ZFYVE9: variants seen among roughly 807,000 people sequenced by gnomAD.
The protein encoded by ZFYVE9 is zinc finger FYVE-type containing 9.
Under a neutral mutation model 126.7 loss-of-function variants are expected in ZFYVE9, and 43 were observed. The ratio of observed to expected loss-of-function variants is 0.34; its 90% CI spans 0.27 to 0.44. The LOEUF is 0.44. Among genes scored for constraint, ZFYVE9 ranks in the 20% least tolerant of loss-of-function variants. ZFYVE9 has a pLI of 1.00. For synonymous variants in ZFYVE9, 521 were observed against 597.4 expected (o/e 0.87, Z 1.87); for missense variants, 1,476 against 1,697.0 (o/e 0.87, Z 2.29).
At chr1:52,298,065 G>A (rs963544098) in intron 12 of ZFYVE9, among the ~76,000 whole-genome samples, 37 of 152,238 alleles carry the variant, frequency 2.4e-4, no homozygotes, top group Admixed American at 1.3e-3. Context: ...CTTTTCAGAT[G>A]TATGGTTTGC....
chr1:52,313,693 A>C (rs1646157964), intron 13 of ZFYVE9, among the ~76,000 whole-genome samples: 1 of 152,220 alleles, frequency 6.6e-6, no homozygotes. Context: ...GTACAGATTC[A>C]AACTGCTCTG....
At chr1:52,299,316 G>A (rs1036945937) in intron 12 of ZFYVE9, among the ~76,000 whole-genome samples, 1 of 152,036 alleles carries the variant, frequency 6.6e-6, no homozygotes, top group African/African-American at 2.4e-5. Flanking sequence ...CAGGTTTTTG[G>A]TGGCATCTTT....
chr1:52,334,812 A>C, intron 15 of ZFYVE9, 44 bp downstream of exon 15: 1 of 1,581,326 alleles, frequency 6.3e-7, no homozygotes, highest in Non-Finnish European at 8.7e-7. Flanking sequence ...GACTGAACTT[A>C]TGTACATAAA....
chr1:52,251,614 GT>G (rs1419394987), intron 4 of ZFYVE9, among the ~76,000 whole-genome samples: 2 of 151,926 alleles, frequency 1.3e-5, no homozygotes, highest in Non-Finnish European at 2.9e-5. Context: ...ATTTTCTTGA[GT>G]TTTGTATCAG....
chr1:52,340,518 G>A (rs1646425625), intron 17 of ZFYVE9, among the ~76,000 whole-genome samples: 1 of 152,166 alleles, frequency 6.6e-6, no homozygotes, highest in Non-Finnish European at 1.5e-5. Flanking sequence ...CATCTTTGCT[G>A]TATTCTTCAG....
Position 52,216,409 on chromosome 1 carries a change from G to A in ZFYVE9, c.-102G>A, listed in dbSNP as rs1384143401. The A allele has an allele frequency of 1.3e-5, 5 of 398,354 alleles. No individual in the cohort carries two copies. Among genetic ancestry groups the A allele is most frequent in the Non-Finnish European group, 2.2e-5 (5 of 226,002 alleles). The allele number at this position is 398,354 out of a possible 1,614,324, so 24.7% of individuals were successfully genotyped here. A position where few individuals can be genotyped will look rare whatever the true frequency, so the allele number is the denominator to read the frequency against. On this transcript the variant is annotated 5_prime_UTR_variant, in exon 2 of 19. In the 5' UTR this introduces an upstream ATG that the reference lacks. Coordinates refer to ENST00000287727, the MANE Select transcript of ZFYVE9 (RefSeq NM_004799.4). Reference sequence around the variant, plus strand: ...ACTGAATCAGCAGGACTGGCTGGTGGTGCAGCAGACATCATGAGTAAGCAC... The same window carrying A: ...ACTGAATCAGCAGGACTGGCTGGTGATGCAGCAGACATCATGAGTAAGCAC...
chr1:52,291,425 A>G (rs1390796245), intron 10 of ZFYVE9, among the ~76,000 whole-genome samples: 2 of 152,228 alleles, frequency 1.3e-5, no homozygotes, highest in Admixed American at 6.5e-5. Context: ...GGAAGCTCGT[A>G]CTTGGCTAGT....
At chr1:52,216,070 A>G (rs1449291268) in intron 1 of ZFYVE9, among the ~76,000 whole-genome samples, 1 of 152,232 alleles carries the variant, frequency 6.6e-6, no homozygotes. Context: ...ATGAATTAAC[A>G]CAATTAAAGT....
chr1:52,293,402 A>C, intron 10 of ZFYVE9, 51 bp from the exon 11 acceptor site: 1 of 1,322,872 alleles, frequency 7.6e-7, no homozygotes, highest in Non-Finnish European at 1.0e-6. Context: ...AAAAAAAGAA[A>C]TATGATTAAT....
chr1:52,319,372 CCTAACA>C (rs1646216778), intron 13 of ZFYVE9, among the ~76,000 whole-genome samples: 1 of 152,076 alleles, frequency 6.6e-6, no homozygotes, highest in African/African-American at 2.4e-5. Context: ...CACCTGTAAT[CCTAACA>C]CTTTGGGAGC....
intron 3 of ZFYVE9, 58 bp from the exon 4 acceptor site, chr1:52,237,430 G>A: frequency 7.1e-7 from 1 of 1,404,854 alleles, no homozygotes; most frequent in Non-Finnish European, 9.7e-7. Context: ...TATTAACTTA[G>A]TCATAAGCTT....
In ZFYVE9 at chr1:52,238,756, C is replaced by G. The variant is rs1377477335; in HGVS notation, c.1339C>G (p.Leu447Val). ...GQCVGLADAG[L>V]DLKGTCISES... is the part of the protein sequence containing the mutation. ...GTGTGTTGGATTGGCAGATGCAGGT[C>G]TAGATTTAAAAGGAACTTGCATTAG... is the stretch of plus-strand genomic sequence containing the variant. Residue 447 changes from leucine to valine, a missense_variant, in exon 4 of 19, where the codon CTA becomes GTA. Around this residue, in one of 2 missense-constraint regions of ZFYVE9, gnomAD observed 807 missense variants for 794.6 expected, o/e 1.02. Transcript: ENST00000287727. 6.2e-7 allele frequency: 1 copy of G among 1,613,982 alleles called. No homozygotes were observed. Among genetic ancestry groups the G allele is most frequent in the South Asian group, 1.1e-5 (1 of 91,054 alleles).
chr1:52,346,079 G>A lies in ZFYVE9; in HGVS notation c.4136G>A (p.Ser1379Asn). 1 of 1,606,126 alleles carries A rather than the reference G, an allele frequency of 6.2e-7. No individual in the cohort carries two copies. Among genetic ancestry groups the A allele is most frequent in the South Asian group, 1.1e-5 (1 of 90,520 alleles). The change falls in exon 19 of 19, where the codon AGC (serine) becomes AAC (asparagine). Residue 1379 changes from serine to asparagine, a missense_variant. Transcript: ENST00000287727. ...GTATAGGTTGGCTATCAAGCAGGGAGCAATGGCCAGCCCCTTCCCTCGCAG... is the reference window on the plus strand; with the variant it reads ...GTATAGGTTGGCTATCAAGCAGGGAACAATGGCCAGCCCCTTCCCTCGCAG... ...DSDQVGYQAGSNGQPLPSQYM... is the reference protein window; with the variant it reads ...DSDQVGYQAGNNGQPLPSQYM...
intron 1 of ZFYVE9, among the ~76,000 whole-genome samples, chr1:52,207,406 T>A (rs1488042879): frequency 1.3e-5 from 2 of 152,232 alleles, no homozygotes; most frequent in Non-Finnish European, 2.9e-5. Flanking sequence ...TTGTTCTTTA[T>A]AGCTCTTGAC....
intron 1 of ZFYVE9, among the ~76,000 whole-genome samples, chr1:52,178,407 C>T (rs1268100218): frequency 6.7e-6 from 1 of 149,694 alleles, no homozygotes; most frequent in Non-Finnish European, 1.5e-5. Flanking sequence ...TCTTGGCTCA[C>T]TGTAACCTCC....
At chr1:52,288,925 C>CAAAAAAAA (rs775138803) in intron 10 of ZFYVE9, among the ~76,000 whole-genome samples, 20 of 61,898 alleles carry the variant, frequency 3.2e-4, no homozygotes, top group African/African-American at 6.6e-4. Flanking sequence ...GACTCTGTCT[C>CAAAAAAAA]AAAAAAAAAA....
Position 52,340,250 on chromosome 1 carries a change from G to A in ZFYVE9, c.3939+19G>A. ...GACAGAGGTAAGGAAATGAAACTTG[G>A]CATACTTGACCCACTTTGAGCACAA... On this transcript the variant is annotated intron_variant, in intron 17 of 18. Coordinates refer to ENST00000287727, the MANE Select transcript of ZFYVE9 (RefSeq NM_004799.4). The A allele has an allele frequency of 2.5e-6, 4 of 1,601,064 alleles. No homozygotes were observed. Among genetic ancestry groups the A allele is most frequent in the Non-Finnish European group, 3.4e-6 (4 of 1,169,006 alleles).
rs546135293 is a variant in ZFYVE9 at position 52,278,554 on chromosome 1, C to G, written c.2809C>G (p.Pro937Ala). 2 of 1,611,098 alleles carry G rather than the reference C, an allele frequency of 1.2e-6. No individual in the cohort carries two copies. Among genetic ancestry groups the G allele is most frequent in the South Asian group, 2.2e-5 (2 of 90,416 alleles). ...SVMQQLEDGGPDPLVFVLNAN... is the reference protein window; with the variant it reads ...SVMQQLEDGGADPLVFVLNAN... ...AATGCAGCAGTTGGAGGATGGTGGCCCTGACCCACTTGTATTTGTTTTAAA... is the reference window on the plus strand; with the variant it reads ...AATGCAGCAGTTGGAGGATGGTGGCGCTGACCCACTTGTATTTGTTTTAAA... The change falls in exon 9 of 19, where the codon CCT becomes GCT. Residue 937 changes from proline to alanine, a missense_variant. Pro to Ala is a conservative substitution (Grantham distance 27). Transcript: ENST00000287727.
Position 52,263,761 on chromosome 1 carries a change from C to CCA in ZFYVE9, c.2179-11_2179-10insAC. ...TAAATTTTGTGTGTTCTTCCCCCCC[C>CCA]CCCCCCCACAGGTTTTCTGTGCTTC... is the stretch of plus-strand genomic sequence containing the variant. On this transcript the variant is annotated splice_polypyrimidine_tract_variant and intron_variant, in intron 4 of 18. Transcript: ENST00000287727. 1.2e-6 allele frequency: 1 copy of CCA among 839,330 alleles called. No homozygotes were observed. Among genetic ancestry groups the CCA allele is most frequent in the Non-Finnish European group, 1.7e-6 (1 of 575,106 alleles). The allele number at this position is 839,330 out of a possible 1,614,324, so 52.0% of individuals were successfully genotyped here.
Sources: allele counts gnomAD v4.1 joint callset (sites outside exome capture counted in the v4.1 genomes callset), GRCh38; gene constraint gnomAD v4.1.1; regional missense constraint gnomAD v4.1.1; transcripts MANE v1.5; gene names NCBI Gene and HGNC (gene_info 2026-07-23, HGNC 2026-07-21).